Variants in FYB1 observed in about 807,000 individuals in gnomAD.
FYB1 encodes the protein FYN-binding protein 1.
A neutral mutation model predicts 94.1 loss-of-function variants in FYB1; 41 were observed. The ratio of observed to expected loss-of-function variants is 0.44; its 90% CI spans 0.34 to 0.57. The LOEUF is 0.57. Ranked by LOEUF, FYB1 falls within the 20% of genes least tolerant of loss-of-function variation. The pLI, the probability that FYB1 is intolerant of heterozygous loss-of-function variation, is 0.02. For missense variants in FYB1, 1,050 were observed against 976.8 expected (o/e 1.07, Z -1.00); for synonymous variants, 367 against 353.2 (o/e 1.04, Z -0.44).
At chr5:39,270,633 T>G (rs549744666) in intron 1 of FYB1, 21 of 1,512,716 alleles carry the variant, frequency 1.4e-5, no homozygotes, top group Non-Finnish European at 1.5e-5. Context: ...GCAGCTTGGA[T>G]AGTGAATGTG....
intron 1 of FYB1, among the ~76,000 whole-genome samples, chr5:39,261,651 G>A (rs903454301): frequency 6.6e-6 from 1 of 152,146 alleles, no homozygotes; most frequent in African/African-American, 2.4e-5. Flanking sequence ...GGAGGCTGAG[G>A]TAGGAGAGCC....
chr5:39,247,371 C>A (rs1397459166), intron 1 of FYB1, among the ~76,000 whole-genome samples: 1 of 151,694 alleles, frequency 6.6e-6, no homozygotes, highest in Non-Finnish European at 1.5e-5. Flanking sequence ...AAAGCTTATT[C>A]CTACATAATT....
chr5:39,108,523 A>T (rs1738742499), intron 17 of FYB1, among the ~76,000 whole-genome samples: 1 of 152,106 alleles, frequency 6.6e-6, no homozygotes, highest in Non-Finnish European at 1.5e-5. Context: ...TCATCTTTAT[A>T]AGACATGTTT....
At chr5:39,247,071 C>CATGTAT (rs1751506145) in intron 1 of FYB1, among the ~76,000 whole-genome samples, 1 of 65,606 alleles carries the variant, frequency 1.5e-5, no homozygotes, top group Admixed American at 1.9e-4. Flanking sequence ...AATGCGTGTT[C>CATGTAT]ATATATATAT....
chr5:39,120,224 TTGTGTG>T (rs10532379), intron 14 of FYB1, among the ~76,000 whole-genome samples: 12 of 147,710 alleles, frequency 8.1e-5, no homozygotes, highest in Admixed American at 1.4e-4. Flanking sequence ...CCTTTATCAA[TTGTGTG>T]TGTGTGTGTG....
intron 1 of FYB1, among the ~76,000 whole-genome samples, chr5:39,238,091 AC>A (rs1751048470): frequency 6.6e-6 from 1 of 152,076 alleles, no homozygotes. Context: ...AATGAACACC[AC>A]CATGTGAATG....
At chr5:39,139,283 A>T in intron 4 of FYB1, 31 bp from the exon 5 acceptor site, 1 of 1,410,300 alleles carries the variant, frequency 7.1e-7, no homozygotes, top group Non-Finnish European at 9.6e-7. Context: ...AATTTAATAC[A>T]TTTGTAATAA....
intron 16 of FYB1, among the ~76,000 whole-genome samples, chr5:39,114,929 G>T (rs1225011411): frequency 6.6e-6 from 1 of 152,134 alleles, no homozygotes; most frequent in Non-Finnish European, 1.5e-5. Flanking sequence ...GACAATGACA[G>T]CAGCAAAAGA....
intron 3 of FYB1, among the ~76,000 whole-genome samples, chr5:39,151,065 A>C (rs1743208030): frequency 6.6e-6 from 1 of 152,062 alleles, no homozygotes; most frequent in South Asian, 2.1e-4. Flanking sequence ...TGCCTAGAAC[A>C]GTCTTCCTTC....
intron 1 of FYB1, among the ~76,000 whole-genome samples, chr5:39,259,185 A>G (rs1752110675): frequency 6.6e-6 from 1 of 152,188 alleles, no homozygotes; most frequent in African/African-American, 2.4e-5. Context: ...AGATGCTACT[A>G]AACATCTAAC....
At chr5:39,144,275 G>A (rs1356128492) in intron 3 of FYB1, among the ~76,000 whole-genome samples, 1 of 152,002 alleles carries the variant, frequency 6.6e-6, no homozygotes, top group East Asian at 1.9e-4. Flanking sequence ...ATTAGTTCCC[G>A]ATAAAAGAAT....
intron 14 of FYB1, among the ~76,000 whole-genome samples, chr5:39,120,077 C>T (rs1370159944): frequency 1.3e-5 from 2 of 151,976 alleles, no homozygotes; most frequent in African/African-American, 2.4e-5. Flanking sequence ...AACATTTATA[C>T]GTTGTTTTGT....
intron 2 of FYB1, among the ~76,000 whole-genome samples, chr5:39,162,817 T>C (rs1744377104): frequency 6.6e-6 from 1 of 152,060 alleles, no homozygotes; most frequent in Non-Finnish European, 1.5e-5. Context: ...TCCTGATAGG[T>C]AAAACATAAA....
chr5:39,148,873 C>G (rs573533628), intron 3 of FYB1, among the ~76,000 whole-genome samples: 1 of 152,114 alleles, frequency 6.6e-6, no homozygotes, highest in East Asian at 1.9e-4. Flanking sequence ...CTATTAATAA[C>G]CATGTAATTT....
chr5:39,246,889 A>G (rs1427705275), intron 1 of FYB1, among the ~76,000 whole-genome samples: 2 of 151,958 alleles, frequency 1.3e-5, no homozygotes. Context: ...CTTTGGAGCC[A>G]GGCTGCCTGG....
intron 1 of FYB1, among the ~76,000 whole-genome samples, chr5:39,251,177 C>T (rs1579785491): frequency 6.6e-6 from 1 of 152,130 alleles, no homozygotes; most frequent in African/African-American, 2.4e-5. Context: ...AAATAGAGGC[C>T]TGTGATCTGC....
At chr5:39,113,057 G>T (rs192869104) in intron 16 of FYB1, among the ~76,000 whole-genome samples, 1 of 152,048 alleles carries the variant, frequency 6.6e-6, no homozygotes, top group Non-Finnish European at 1.5e-5. Context: ...AGGTTTTCCT[G>T]TCTAGTACCT....
chr5:39,262,988 G>A (rs932010731), intron 1 of FYB1, among the ~76,000 whole-genome samples: 4 of 152,070 alleles, frequency 2.6e-5, no homozygotes, highest in African/African-American at 7.2e-5. Context: ...GGGCAGAAAG[G>A]GACTTTAATT....
intron 3 of FYB1, among the ~76,000 whole-genome samples, chr5:39,144,117 G>A (rs1742429520): frequency 6.6e-6 from 1 of 152,138 alleles, no homozygotes; most frequent in African/African-American, 2.4e-5. Context: ...TAAGAGATTT[G>A]TTACATTAGA....
Sources: allele counts gnomAD v4.1 joint callset (sites outside exome capture counted in the v4.1 genomes callset), GRCh38; gene constraint gnomAD v4.1.1; transcripts MANE v1.5; gene names NCBI Gene and HGNC (gene_info 2026-07-23, HGNC 2026-07-21).